Variants in MCPH1 observed in about 807,000 individuals in gnomAD.
MCPH1 encodes the protein microcephalin 1, also known as microcephalin.
Under a neutral mutation model 84.5 loss-of-function variants are expected in MCPH1, and 104 were observed. That is an observed-to-expected ratio of 1.23 (90% CI 1.05 to 1.45). The LOEUF (loss-of-function observed/expected upper bound fraction) is 1.45. MCPH1 is among the 40% of genes most tolerant of loss of function. The pLI is 0.00. For missense variants in MCPH1, 1,498 were observed against 1,005.7 expected (o/e 1.49, Z -6.62); for synonymous variants, 514 against 366.8 (o/e 1.40, Z -4.58).
At chr8:6,568,700 G>A (rs1449153806) in intron 12 of MCPH1, among the ~76,000 whole-genome samples, 1 of 152,218 alleles carries the variant, frequency 6.6e-6, no homozygotes, top group Non-Finnish European at 1.5e-5. Flanking sequence ...GCATTTATAC[G>A]GCATTTTGTG....
Position 6,513,892 on chromosome 8 carries a change from T to G in MCPH1, c.2214+13963T>G, listed in dbSNP as rs750864052. The G allele has an allele frequency of 6.5e-6, 10 of 1,543,452 alleles. No homozygotes were observed. In the South Asian group the frequency reaches 1.0e-4, roughly 15 times the overall value. On this transcript the variant is annotated intron_variant, in intron 12 of 13. Coordinates refer to ENST00000344683, the MANE Select transcript of MCPH1 (RefSeq NM_024596.5). ...CAATTATTTCATGTAATTTTTTCTT[T>G]GTATATTTGAAGTGGATAGTCCGTC...
At chr8:6,483,488 C>A (rs1809479472) in intron 11 of MCPH1, among the ~76,000 whole-genome samples, 1 of 152,142 alleles carries the variant, frequency 6.6e-6, no homozygotes, top group Non-Finnish European at 1.5e-5. Context: ...GACAGAGAAT[C>A]CAGAAATAGA....
chr8:6,532,311 G>A (rs1302774975), intron 12 of MCPH1: 1 of 1,613,954 alleles, frequency 6.2e-7, no homozygotes, highest in Non-Finnish European at 8.5e-7. Context: ...GACACCGTGT[G>A]CTTTATGTGG....
intron 12 of MCPH1, among the ~76,000 whole-genome samples, chr8:6,606,522 T>C (rs1829786738): frequency 6.6e-6 from 1 of 152,196 alleles, no homozygotes; most frequent in Non-Finnish European, 1.5e-5. Context: ...TCCGGCAGCA[T>C]AAACCAGTGC....
At chr8:6,445,841 G>T in intron 8 of MCPH1, 2 of 1,118,478 alleles carry the variant, frequency 1.8e-6, no homozygotes, top group African/African-American at 3.3e-5. Flanking sequence ...ACTGAGGGGA[G>T]TGAAGTCTTT....
At chr8:6,537,121 G>A (rs572449690) in intron 12 of MCPH1, among the ~76,000 whole-genome samples, 15 of 152,188 alleles carry the variant, frequency 9.9e-5, no homozygotes, top group Admixed American at 2.6e-4. Flanking sequence ...TGAACCTCCC[G>A]TGGGAGGGGA....
intron 6 of MCPH1, among the ~76,000 whole-genome samples, chr8:6,439,323 G>T (rs1405328332): frequency 6.7e-5 from 10 of 149,480 alleles, no homozygotes; most frequent in Admixed American, 6.6e-4. Context: ...ATTTGTTGTA[G>T]CTCCTTTGTA....
chr8:6,491,058 CAA>C (rs35833265), intron 11 of MCPH1, among the ~76,000 whole-genome samples: 203 of 148,790 alleles, frequency 1.4e-3, no homozygotes, highest in Non-Finnish European at 2.5e-3. Flanking sequence ...TAAAATTTAT[CAA>C]AAAAAATTTT....
intron 12 of MCPH1, among the ~76,000 whole-genome samples, chr8:6,585,452 T>C (rs1420095778): frequency 2.0e-5 from 3 of 152,220 alleles, no homozygotes; most frequent in African/African-American, 7.2e-5. Context: ...ACGCCGGCTT[T>C]TCCCGGGTGC....
chr8:6,608,158 G>A (rs112647917), intron 12 of MCPH1, among the ~76,000 whole-genome samples: 1 of 152,160 alleles, frequency 6.6e-6, no homozygotes, highest in Non-Finnish European at 1.5e-5. Flanking sequence ...ACTCACGTGC[G>A]AGGGTGGGAG....
intron 3 of MCPH1, among the ~76,000 whole-genome samples, chr8:6,418,116 C>G (rs748714500): frequency 6.6e-6 from 1 of 152,102 alleles, no homozygotes; most frequent in East Asian, 1.9e-4. Context: ...TGGGGTTTCT[C>G]CTATGGTTCT....
At chr8:6,501,895 T>C (rs1812268671) in intron 12 of MCPH1, 1 of 151,342 alleles carries the variant, frequency 6.6e-6, no homozygotes, top group Admixed American at 6.6e-5. Flanking sequence ...AAATATATTA[T>C]GAACATCAGA....
In MCPH1 at chr8:6,647,948, C is replaced by G. The variant is rs557656322; in HGVS notation, c.*4899C>G. On this transcript the variant is annotated 3_prime_UTR_variant, in exon 14 of 14. Coordinates refer to ENST00000344683, the MANE Select transcript of MCPH1 (RefSeq NM_024596.5). ...TTTTAAAAAAAAGAGAGAGAGAGAA[C>G]GAGAGCTACATGGCAGCCCCAGGGC... The G allele has an allele frequency of 6.6e-6, 1 of 151,900 alleles. No homozygotes were observed. The allele number at this position is 151,900 out of a possible 1,614,324, so 9.4% of individuals were successfully genotyped here. A position where few individuals can be genotyped will look rare whatever the true frequency, so the allele number is the denominator to read the frequency against.
chr8:6,415,086 G>T (rs1359348479), intron 3 of MCPH1, among the ~76,000 whole-genome samples: 1 of 151,892 alleles, frequency 6.6e-6, no homozygotes, highest in Non-Finnish European at 1.5e-5. Flanking sequence ...CTCTGCCTAG[G>T]GGGAAAAGGA....
chr8:6,520,061 C>T, intron 12 of MCPH1: 1 of 1,557,256 alleles, frequency 6.4e-7, no homozygotes, highest in Admixed American at 1.8e-5. Context: ...ATTTCAAGAG[C>T]CAATCATTTG....
chr8:6,483,035 C>A (rs1809430569), intron 11 of MCPH1, among the ~76,000 whole-genome samples: 1 of 152,150 alleles, frequency 6.6e-6, no homozygotes, highest in African/African-American at 2.4e-5. Context: ...AAGCAATCTA[C>A]AAAACAGCAA....
intron 4 of MCPH1, among the ~76,000 whole-genome samples, chr8:6,433,433 G>C (rs954857106): frequency 1.3e-5 from 2 of 152,002 alleles, no homozygotes; most frequent in Non-Finnish European, 2.9e-5. Context: ...AGGAGTTTGA[G>C]AGCAGCCTGG....
Position 6,643,243 on chromosome 8 carries a change from G to A in MCPH1, c.*194G>A, listed in dbSNP as rs1798049388. ...ATGACTGAATGTCTGTTTCAGAGAC[G>A]CTTCGGGCCTTTTTATTTTTATTTT... On this transcript the variant is annotated 3_prime_UTR_variant, in exon 14 of 14. Coordinates refer to ENST00000344683, the MANE Select transcript of MCPH1 (RefSeq NM_024596.5). The A allele has an allele frequency of 3.7e-5, 23 of 621,584 alleles. No individual in the cohort carries two copies. Among genetic ancestry groups the A allele is most frequent in the South Asian group, 2.3e-4 (12 of 51,960 alleles). 38.5% of individuals were successfully genotyped at this position (621,584 alleles called of 1,614,324 possible).
chr8:6,559,953 C>A (rs1433796904), intron 12 of MCPH1, among the ~76,000 whole-genome samples: 1 of 152,226 alleles, frequency 6.6e-6, no homozygotes, highest in Non-Finnish European at 1.5e-5. Context: ...AGAAGCCTGA[C>A]ACTTCCTTTG....
Sources: gnomAD v4.1 joint callset for allele counts (sites outside exome capture counted in the v4.1 genomes callset) on GRCh38, gnomAD v4.1.1 for gene constraint, MANE v1.5 for transcripts, NCBI Gene and HGNC (gene_info 2026-07-23, HGNC 2026-07-21) for gene names.